The following CNTNAP2 variants were observed in gnomAD, a reference collection of about 807,000 sequenced individuals.
CNTNAP2 encodes contactin-associated protein-like 2.
CNTNAP2 carries 98 observed loss-of-function variants against 155.2 expected under a neutral mutation model. That is an observed-to-expected ratio of 0.63 (90% CI 0.54 to 0.75). The LOEUF is 0.75. CNTNAP2 is among the 30% of genes least tolerant of loss of function. The pLI, the probability that CNTNAP2 is intolerant of heterozygous loss-of-function variation, is 0.00. For synonymous variants in CNTNAP2, 651 were observed against 631.2 expected (o/e 1.03, Z -0.47); for missense variants, 1,727 against 1,688.1 (o/e 1.02, Z -0.40).
chr7:148,385,392 A>G (rs1484515716), intron 22 of CNTNAP2, among the ~76,000 whole-genome samples: 2 of 152,212 alleles, frequency 1.3e-5, no homozygotes, highest in African/African-American at 2.4e-5. Flanking sequence ...TAAGAGTGAA[A>G]ATACAAGAGG....
At chr7:146,511,969 G>A (rs1220429936) in intron 1 of CNTNAP2, among the ~76,000 whole-genome samples, 2 of 151,984 alleles carry the variant, frequency 1.3e-5, no homozygotes, top group Non-Finnish European at 2.9e-5. Context: ...GGTCTGTTCA[G>A]ATGTTCTATT....
In CNTNAP2 at chr7:147,651,101, C is replaced by T. The variant is rs113453869; in HGVS notation, c.2098+11795C>T. Among the ~76,000 whole-genome samples the T allele has an allele frequency of 6.0e-3, 909 of 152,076 alleles. 5 individuals are homozygous for T. Among genetic ancestry groups the T allele is most frequent in the Middle Eastern group, 0.01 (3 of 294 alleles). On this transcript the variant is annotated intron_variant, in intron 13 of 23. Coordinates refer to ENST00000361727, the MANE Select transcript of CNTNAP2 (RefSeq NM_014141.6). ...GCTGGGATATCAGTTCAGGTTCAAC[C>T]GGAGAAACAGAACAAGTAGAAGATA...
chr7:147,878,280 A>ATGG (rs1799459098), intron 13 of CNTNAP2, among the ~76,000 whole-genome samples: 1 of 152,038 alleles, frequency 6.6e-6, no homozygotes, highest in African/African-American at 2.4e-5. Context: ...GATGATGATG[A>ATGG]TGATAGTGAT....
chr7:147,094,399 CTTTT>C (rs55694542), intron 4 of CNTNAP2, among the ~76,000 whole-genome samples: 2 of 132,962 alleles, frequency 1.5e-5, no homozygotes, highest in African/African-American at 2.8e-5. Context: ...ATTATTATTC[CTTTT>C]TTTTTTTTTT....
chr7:148,098,076 AAGACAGCCCTGCAGTG>A (rs1317922195), intron 15 of CNTNAP2, among the ~76,000 whole-genome samples: 3 of 152,082 alleles, frequency 2.0e-5, no homozygotes, highest in Non-Finnish European at 4.4e-5. Flanking sequence ...CGATGGGAAA[AAGACAGCCCTGCAGTG>A]GTATGTGGGA....
chr7:147,134,267 A>G (rs1801435018), intron 8 of CNTNAP2, among the ~76,000 whole-genome samples: 1 of 151,922 alleles, frequency 6.6e-6, no homozygotes, highest in Admixed American at 6.6e-5. Context: ...CTCTCACCTA[A>G]TTTAAGCTGT....
chr7:146,374,471 A>G (rs73162194), intron 1 of CNTNAP2, among the ~76,000 whole-genome samples: 12,474 of 152,252 alleles, frequency 0.082, 1,137 homozygotes, highest in African/African-American at 0.22. Context: ...AGATATTCAC[A>G]AGAGGCCACA....
intron 1 of CNTNAP2, among the ~76,000 whole-genome samples, chr7:146,763,180 C>T (rs1427872376): frequency 3.9e-5 from 6 of 152,200 alleles, no homozygotes. Flanking sequence ...GCTCCATCCT[C>T]ACTGGCCTCC....
At chr7:146,372,977 C>T (rs1203580122) in intron 1 of CNTNAP2, among the ~76,000 whole-genome samples, 1 of 152,036 alleles carries the variant, frequency 6.6e-6, no homozygotes, top group Non-Finnish European at 1.5e-5. Context: ...CTGAAAAAAT[C>T]GTGTGAGGAG....
intron 1 of CNTNAP2, among the ~76,000 whole-genome samples, chr7:146,616,514 T>G (rs566725810): frequency 6.6e-6 from 1 of 152,304 alleles, no homozygotes; most frequent in Non-Finnish European, 1.5e-5. Context: ...TAACCCCAGC[T>G]TCAATGAAGT....
intron 14 of CNTNAP2, among the ~76,000 whole-genome samples, chr7:147,957,689 A>G (rs902984291): frequency 6.6e-6 from 1 of 152,214 alleles, no homozygotes; most frequent in East Asian, 1.9e-4. Flanking sequence ...CAGTTGATAT[A>G]CTAAAATTAA....
At chr7:147,862,492 T>C (rs1172724446) in intron 13 of CNTNAP2, among the ~76,000 whole-genome samples, 3 of 152,184 alleles carry the variant, frequency 2.0e-5, no homozygotes, top group Non-Finnish European at 4.4e-5. Context: ...TGCATCTGTG[T>C]GACTAAAGAG....
At chr7:146,729,371 G>A (rs545598116) in intron 1 of CNTNAP2, among the ~76,000 whole-genome samples, 12 of 152,238 alleles carry the variant, frequency 7.9e-5, no homozygotes, top group African/African-American at 2.9e-4. Flanking sequence ...AAGCAGAATG[G>A]AAGTGTCAAT....
intron 2 of CNTNAP2, among the ~76,000 whole-genome samples, chr7:146,792,625 A>T (rs185295742): frequency 3.7e-4 from 57 of 152,280 alleles, no homozygotes; most frequent in Non-Finnish European, 1.2e-4. Flanking sequence ...CCACCACTAA[A>T]GATTCATTTG....
chr7:146,875,906 GCACA>G (rs144916213), intron 3 of CNTNAP2, among the ~76,000 whole-genome samples: 23 of 92,886 alleles, frequency 2.5e-4, no homozygotes, highest in Admixed American at 5.2e-4. Flanking sequence ...ATACACACAC[GCACA>G]CACACACACA....
At chr7:146,738,255 A>T (rs1461201686) in intron 1 of CNTNAP2, among the ~76,000 whole-genome samples, 1 of 151,850 alleles carries the variant, frequency 6.6e-6, no homozygotes, top group African/African-American at 2.4e-5. Flanking sequence ...CATTTATCTG[A>T]TAATAGTGAT....
chr7:146,348,949 A>C (rs775688085), intron 1 of CNTNAP2, among the ~76,000 whole-genome samples: 6 of 151,948 alleles, frequency 3.9e-5, no homozygotes, highest in Non-Finnish European at 8.8e-5. Context: ...GTTTCAAATA[A>C]TCTTGCATGT....
At chr7:148,182,009 AGCCTCCCAAAGT>A (rs1795047337) in intron 18 of CNTNAP2, among the ~76,000 whole-genome samples, 1 of 151,782 alleles carries the variant, frequency 6.6e-6, no homozygotes, top group Non-Finnish European at 1.5e-5. Context: ...CGCCCGCCTC[AGCCTCCCAAAGT>A]GCTGGGATTA....
chr7:148,007,018 C>T (rs372989652), intron 15 of CNTNAP2, among the ~76,000 whole-genome samples: 13 of 152,280 alleles, frequency 8.5e-5, no homozygotes, highest in East Asian at 1.9e-4. Flanking sequence ...ATACAAGGGT[C>T]ATTTCAGAGA....
Sources: allele counts gnomAD v4.1 joint callset (sites outside exome capture counted in the v4.1 genomes callset), GRCh38; gene constraint gnomAD v4.1.1; transcripts MANE v1.5; gene names NCBI Gene and HGNC (gene_info 2026-07-23, HGNC 2026-07-21).